SOX6: variants seen among roughly 807,000 people sequenced by gnomAD.
The protein encoded by SOX6 is transcription factor SOX-6.
A neutral mutation model predicts 97.8 loss-of-function variants in SOX6; 11 were observed. The observed-to-expected ratio is 0.11, with a 90% CI of 0.07 to 0.19. SOX6 has a LOEUF of 0.19. Ranked by LOEUF, SOX6 falls within the 10% of genes least tolerant of loss-of-function variation. SOX6 has a pLI of 1.00. For missense variants in SOX6, 810 were observed against 1,039.5 expected, an observed-to-expected ratio of 0.78 and a Z score of 3.04; for synonymous variants, 360 against 371.4, an observed-to-expected ratio of 0.97 and a Z score of 0.35.
chr11:16,476,907 C>T (rs942105590), upstream of SOX6, among the ~76,000 whole-genome samples: 1 of 152,094 alleles, frequency 6.6e-6, no homozygotes, highest in Non-Finnish European at 1.5e-5. Context: ...TAATTCAATC[C>T]AAAATTGTTT....
chr11:16,282,088 A>T (rs2134244122), intron 3 of SOX6, among the ~76,000 whole-genome samples: 1 of 150,562 alleles, frequency 6.6e-6, no homozygotes, highest in South Asian at 2.1e-4. Flanking sequence ...GCAAGAAAAA[A>T]AATTAATTTG....
At chr11:15,978,063 T>C (rs1411619559) in intron 15 of SOX6, among the ~76,000 whole-genome samples, 5 of 152,082 alleles carry the variant, frequency 3.3e-5, no homozygotes, top group Non-Finnish European at 5.9e-5. Context: ...TCTGTTTTTG[T>C]TTACTAAAGA....
At chr11:16,329,805 G>A (rs1373354320) in intron 2 of SOX6, among the ~76,000 whole-genome samples, 1 of 152,128 alleles carries the variant, frequency 6.6e-6, no homozygotes, top group African/African-American at 2.4e-5. Context: ...ACTAATAGAG[G>A]ATTTAGCAGC....
At chr11:16,420,974 A>C (rs1859009652) in intron 1 of SOX6, among the ~76,000 whole-genome samples, 1 of 152,196 alleles carries the variant, frequency 6.6e-6, no homozygotes, top group South Asian at 2.1e-4. Flanking sequence ...TCAGGTAAAA[A>C]GGGCCAAACT....
chr11:16,419,535 A>AT (rs1198221875), intron 1 of SOX6, among the ~76,000 whole-genome samples: 1 of 128,816 alleles, frequency 7.8e-6, no homozygotes, highest in African/African-American at 3.2e-5. Context: ...AATTTTAAAA[A>AT]TAAAAAAAAA....
At chr11:16,470,519 T>G (rs1860123187) in intron 1 of SOX6, among the ~76,000 whole-genome samples, 1 of 151,690 alleles carries the variant, frequency 6.6e-6, no homozygotes, top group African/African-American at 2.4e-5. Context: ...AATAGAGGAG[T>G]AGGAAAATAT....
chr11:16,634,845 G>A (rs748603612), intron 3 of SOX6, among the ~76,000 whole-genome samples: 37 of 152,206 alleles, frequency 2.4e-4, no homozygotes, highest in Admixed American at 4.6e-4. Context: ...ATCGAATCAC[G>A]GGGGCAGTTA....
At chr11:16,035,200 T>G (rs996154801) in intron 12 of SOX6, among the ~76,000 whole-genome samples, 1 of 152,102 alleles carries the variant, frequency 6.6e-6, no homozygotes, top group South Asian at 2.1e-4. Context: ...TCAGGACACA[T>G]GGGCAGGGAT....
At chr11:16,025,846 T>C (rs1404886384) in intron 12 of SOX6, among the ~76,000 whole-genome samples, 4 of 152,310 alleles carry the variant, frequency 2.6e-5, no homozygotes, top group African/African-American at 9.6e-5. Context: ...GAGCTTTTCC[T>C]ATAATTTAAA....
At chr11:16,381,385 C>T (rs1380528500) in intron 1 of SOX6, among the ~76,000 whole-genome samples, 1 of 151,992 alleles carries the variant, frequency 6.6e-6, no homozygotes, top group East Asian at 1.9e-4. Flanking sequence ...GCTGATAGAG[C>T]ATCAACAAAT....
At chr11:16,329,882 C>T (rs764366942) in intron 2 of SOX6, among the ~76,000 whole-genome samples, 158 of 152,140 alleles carry the variant, frequency 1.0e-3, no homozygotes, top group Non-Finnish European at 7.1e-4. Context: ...ATATGAAACA[C>T]GTTCCAATCT....
At chr11:16,410,819 T>TA (rs1402714551) in intron 1 of SOX6, among the ~76,000 whole-genome samples, 1 of 139,444 alleles carries the variant, frequency 7.2e-6, no homozygotes, top group Non-Finnish European at 1.6e-5. Flanking sequence ...AATAAGCAGG[T>TA]AAAAATGAAA....
intron 1 of SOX6, chr11:16,738,423 A>C (rs1487889635): frequency 3.2e-6 from 1 of 315,188 alleles, no homozygotes; most frequent in Non-Finnish European, 6.1e-6. Context: ...GCCAACGCTC[A>C]CCGCCATACA....
chr11:16,447,844 A>C (rs957967251), intron 1 of SOX6, among the ~76,000 whole-genome samples: 1 of 152,234 alleles, frequency 6.6e-6, no homozygotes, highest in Non-Finnish European at 1.5e-5. Flanking sequence ...ATAGCATACA[A>C]GAAGAAGGTG....
chr11:16,642,504 C>CAG (rs1412771017), intron 3 of SOX6, among the ~76,000 whole-genome samples: 2 of 152,116 alleles, frequency 1.3e-5, no homozygotes, highest in Non-Finnish European at 2.9e-5. Flanking sequence ...TAATATCCTG[C>CAG]AGTGTTTTCC....
upstream of SOX6, among the ~76,000 whole-genome samples, chr11:16,360,500 G>A (rs1857184993): frequency 6.6e-6 from 1 of 152,052 alleles, no homozygotes; most frequent in African/African-American, 2.4e-5. Flanking sequence ...ATATGTTTAT[G>A]TTCCATATCC....
intron 1 of SOX6, among the ~76,000 whole-genome samples, chr11:16,350,640 C>T (rs1351342842): frequency 4.6e-5 from 7 of 151,992 alleles, no homozygotes; most frequent in Non-Finnish European, 7.4e-5. Context: ...AAAGTATCAA[C>T]GAGAGGAAGA....
At chr11:16,182,457 G>C (rs1446515492) in intron 6 of SOX6, among the ~76,000 whole-genome samples, 1 of 151,684 alleles carries the variant, frequency 6.6e-6, no homozygotes, top group Non-Finnish European at 1.5e-5. Context: ...TGAGCAGTAG[G>C]AGCTACACTG....
chr11:16,366,269 ATCAGCTGCTGGTTGGAAAGGGCT>A (rs967792559), intron 1 of SOX6, among the ~76,000 whole-genome samples: 1 of 152,128 alleles, frequency 6.6e-6, no homozygotes, highest in Admixed American at 6.6e-5. Flanking sequence ...ACAGTGTTTA[ATCAGCTGCTGGTTGGAAAGGGCT>A]TCCTATTCTT....
Sources: allele counts gnomAD v4.1 joint callset (sites outside exome capture counted in the v4.1 genomes callset), GRCh38; gene constraint gnomAD v4.1.1; transcripts MANE v1.5; gene names NCBI Gene and HGNC (gene_info 2026-07-23, HGNC 2026-07-21).